MACROD2: variants seen among roughly 807,000 people sequenced by gnomAD.
The protein encoded by MACROD2 is ADP-ribose glycohydrolase MACROD2.
In MACROD2, 36 loss-of-function variants were observed where a neutral mutation model predicts 70.4. The observed-to-expected ratio is 0.51, with a 90% CI of 0.39 to 0.68. MACROD2 has a LOEUF of 0.68. Among genes scored for constraint, MACROD2 ranks in the 30% least tolerant of loss-of-function variants. The probability of loss-of-function intolerance (pLI) is 0.00; values close to 1 mark genes in which losing one functional copy is unlikely to be tolerated. For missense variants in MACROD2, 496 were observed against 538.4 expected, an observed-to-expected ratio of 0.92 and a Z score of 0.78; for synonymous variants, 172 against 178.8, an observed-to-expected ratio of 0.96 and a Z score of 0.30.
rs192465846 is a variant in MACROD2, at chr20:15,535,830, A to C, written c.645+35983A>C. On this transcript the variant is annotated intron_variant, in intron 8 of 17. Transcript: ENST00000684519. The stretch of plus-strand genomic sequence containing the variant: ...AATTATGGATGAGAAATAAATTGGC[A>C]ACCAGAAAAATAGGAAATCATCCCT... Among the ~76,000 whole-genome samples the C allele has an allele frequency of 2.2e-3, 332 of 152,344 alleles. 2 individuals are homozygous for C. The highest frequency in any genetic ancestry group is 7.4e-3 in the African/African-American group (307 of 41,584).
At chr20:15,496,822 TG>T (rs2047303919) in intron 7 of MACROD2, among the ~76,000 whole-genome samples, 1 of 152,120 alleles carries the variant, frequency 6.6e-6, no homozygotes. Context: ...CTCTGTTTTG[TG>T]TAAGGTTGAG....
intron 5 of MACROD2, among the ~76,000 whole-genome samples, chr20:14,858,022 T>C (rs1454436458): frequency 6.6e-6 from 1 of 152,094 alleles, no homozygotes; most frequent in East Asian, 1.9e-4. Flanking sequence ...GGTTTCACCA[T>C]GTTGGCCAGG....
intron 9 of MACROD2, among the ~76,000 whole-genome samples, chr20:15,880,361 T>G (rs893308761): frequency 6.6e-6 from 1 of 151,942 alleles, no homozygotes; most frequent in African/African-American, 2.4e-5. Context: ...TTCCCTCTGC[T>G]TGAGTGTGAT....
At chr20:15,487,631 G>A (rs376938403) in intron 7 of MACROD2, among the ~76,000 whole-genome samples, 12 of 152,216 alleles carry the variant, frequency 7.9e-5, no homozygotes, top group South Asian at 6.2e-4. Context: ...TGCTACCAGC[G>A]GATGAAGTCA....
At chr20:15,950,158 A>G (rs753226854) in intron 12 of MACROD2, among the ~76,000 whole-genome samples, 18 of 152,192 alleles carry the variant, frequency 1.2e-4, no homozygotes, top group Non-Finnish European at 2.4e-4. Context: ...TTTTCTATAA[A>G]ATATCATTTA....
intron 6 of MACROD2, among the ~76,000 whole-genome samples, chr20:15,236,179 C>G (rs982387405): frequency 2.5e-4 from 38 of 152,334 alleles, no homozygotes; most frequent in African/African-American, 8.9e-4. Flanking sequence ...AAAGCTAACT[C>G]AAGACTTTTC....
At chr20:14,353,875 G>A (rs913591190) in intron 3 of MACROD2, among the ~76,000 whole-genome samples, 1 of 152,046 alleles carries the variant, frequency 6.6e-6, no homozygotes, top group Admixed American at 6.6e-5. Context: ...ATGATTGGCT[G>A]GGGGGCAAGG....
chr20:15,649,081 CCCTCCCCTTCCCTCCCCTCCCCTCCCCTT>C (rs2049599102), intron 8 of MACROD2, among the ~76,000 whole-genome samples: 1 of 65,072 alleles, frequency 1.5e-5, no homozygotes. Flanking sequence ...CCCTCCCCTT[CCCTCCCCTTCCCTCCCCTCCCCTCCCCTT>C]CCCTCCCCTC....
At chr20:15,868,795 G>T (rs2064531413) in intron 9 of MACROD2, among the ~76,000 whole-genome samples, 1 of 151,980 alleles carries the variant, frequency 6.6e-6, no homozygotes, top group African/African-American at 2.4e-5. Context: ...GTTTTTCAGA[G>T]TCAGGGTCGT....
intron 2 of MACROD2, among the ~76,000 whole-genome samples, chr20:14,043,439 G>T (rs967798761): frequency 6.6e-6 from 1 of 152,230 alleles, no homozygotes; most frequent in African/African-American, 2.4e-5. Context: ...CTCTGAGTGT[G>T]CCACCCTAGA....
chr20:15,098,223 T>G (rs393205), intron 5 of MACROD2, among the ~76,000 whole-genome samples: 18,716 of 152,108 alleles, frequency 0.12, 1,330 homozygotes, highest in Admixed American at 0.18. Flanking sequence ...CTGAAATTAT[T>G]AATTTTTGAA....
rs142889831 is a variant in MACROD2, at chr20:15,294,227, A to T, written c.540+64166A>T. On this transcript the variant is annotated intron_variant, in intron 6 of 17. Transcript: ENST00000684519. ...CAATATTGGGCCTGCATTTCCACTAATCAAGCATCGGATGATAAAGCTGAT... is the reference window on the plus strand; with the variant it reads ...CAATATTGGGCCTGCATTTCCACTATTCAAGCATCGGATGATAAAGCTGAT... Among the ~76,000 whole-genome samples the T allele has an allele frequency of 5.7e-3, 871 of 152,202 alleles. 8 individuals carry two copies. Among genetic ancestry groups the T allele is most frequent in the Middle Eastern group, 0.041 (12 of 294 alleles).
rs374171339 is a variant in MACROD2 at position 14,325,706 on chromosome 20, T to G, written c.272-167773T>G. On this transcript the variant is annotated intron_variant, in intron 3 of 17. Coordinates refer to ENST00000684519, the MANE Select transcript of MACROD2 (RefSeq NM_001351661.2). ...AACTCCTCCTTCGAGATGGGTTCATTGCTTATTGGTAACATCTGAAAAGAA... is the reference window on the plus strand; with the variant it reads ...AACTCCTCCTTCGAGATGGGTTCATGGCTTATTGGTAACATCTGAAAAGAA... The G allele has an allele frequency of 2.5e-6, 4 of 1,613,848 alleles. No homozygotes were observed. The African/African-American group carries it at 5.3e-5, about 22-fold the overall frequency.
chr20:16,021,642 T>C (rs2067002572), intron 15 of MACROD2, among the ~76,000 whole-genome samples: 1 of 152,158 alleles, frequency 6.6e-6, no homozygotes, highest in Non-Finnish European at 1.5e-5. Context: ...AGCCTAACAC[T>C]CCACTAAGTG....
chr20:15,978,363 G>A (rs6135624), intron 13 of MACROD2, among the ~76,000 whole-genome samples: 30,048 of 152,112 alleles, frequency 0.2, 3,633 homozygotes, highest in East Asian at 0.35. Context: ...GGTGGCATGG[G>A]GGAGGTCATG....
intron 8 of MACROD2, among the ~76,000 whole-genome samples, chr20:15,546,769 G>A (rs955321582): frequency 1.3e-5 from 2 of 152,114 alleles, no homozygotes; most frequent in Admixed American, 1.3e-4. Flanking sequence ...ATCTCCCAGA[G>A]CAATTAAAAG....
At chr20:14,976,616 C>A (rs1216469061) in intron 5 of MACROD2, among the ~76,000 whole-genome samples, 1 of 152,112 alleles carries the variant, frequency 6.6e-6, no homozygotes, top group Admixed American at 6.5e-5. Flanking sequence ...TGTGGACATA[C>A]TTGGGGGCTA....
At chr20:15,182,374 C>A (rs2076506609) in intron 5 of MACROD2, among the ~76,000 whole-genome samples, 1 of 152,046 alleles carries the variant, frequency 6.6e-6, no homozygotes, top group Admixed American at 6.6e-5. Context: ...CATTTACAAT[C>A]TAGTGAGCTG....
intron 6 of MACROD2, among the ~76,000 whole-genome samples, chr20:15,397,834 A>G (rs1345477626): frequency 3.3e-5 from 5 of 152,158 alleles, no homozygotes; most frequent in Non-Finnish European, 7.4e-5. Context: ...TAGCAGGGGT[A>G]TCTTCACCAA....
Sources: gnomAD v4.1 joint callset for allele counts (sites outside exome capture counted in the v4.1 genomes callset) on GRCh38, gnomAD v4.1.1 for gene constraint, MANE v1.5 for transcripts, NCBI Gene and HGNC (gene_info 2026-07-23, HGNC 2026-07-21) for gene names.